SMOX: variants seen among roughly 807,000 people sequenced by gnomAD.
SMOX encodes the protein flavin containing amine oxidase.
Under a neutral mutation model 51.0 loss-of-function variants are expected in SMOX, and 22 were observed. That is an observed-to-expected ratio of 0.43 (90% CI 0.31 to 0.62). The LOEUF (loss-of-function observed/expected upper bound fraction) is 0.62. Ranked by LOEUF, SMOX falls within the 20% of genes least tolerant of loss-of-function variation. The probability of loss-of-function intolerance (pLI) is 0.10; values close to 1 mark genes in which losing one functional copy is unlikely to be tolerated. For synonymous variants in SMOX, 282 were observed against 307.8 expected, an observed-to-expected ratio of 0.92 and a Z score of 0.88; for missense variants, 566 against 777.7, an observed-to-expected ratio of 0.73 and a Z score of 3.24.
In SMOX at chr20:4,181,872, G is replaced by C. The variant is rs753221843; in HGVS notation, c.505G>C (p.Gly169Arg). The C allele has an allele frequency of 4.3e-6, 7 of 1,614,146 alleles. No homozygotes were observed. Among genetic ancestry groups the C allele is most frequent in the Non-Finnish European group, 5.9e-6 (7 of 1,180,028 alleles). Residue 169 changes from glycine to arginine, a missense_variant, in exon 4 of 7, where the codon GGG (glycine) becomes CGG (arginine). Coordinates refer to ENST00000305958, the MANE Select transcript of SMOX (RefSeq NM_175839.3). The surrounding 1 kb of genome is among the most constrained non-coding windows in gnomAD (Gnocchi z 5.6). ...PVNAESQNSV[G>R]VFTREEVRNR... Reference sequence around the variant, plus strand: ...CAATGCTGAAAGTCAAAATAGCGTGGGGGTGTTCACCCGAGAGGAGGTGCG... The same window carrying C: ...CAATGCTGAAAGTCAAAATAGCGTGCGGGTGTTCACCCGAGAGGAGGTGCG...
rs1340768134 is a variant in SMOX, at chr20:4,166,108, C to G, written c.-26-8922C>G. Among the ~76,000 whole-genome samples the G allele has an allele frequency of 7.0e-6, 1 of 142,644 alleles. No individual in the cohort carries two copies. The highest frequency in any genetic ancestry group is 2.6e-5 in the African/African-American group (1 of 38,534). 93.6% of individuals were successfully genotyped at this position (142,644 alleles called of 152,430 possible). A position where few individuals can be genotyped will look rare whatever the true frequency, so the allele number is the denominator to read the frequency against. ...AGAGCAATTGTGCCTAGCGCCTGATCTAATCTGTTGTCAGAGTGTGATCTA... is the reference window on the plus strand; with the variant it reads ...AGAGCAATTGTGCCTAGCGCCTGATGTAATCTGTTGTCAGAGTGTGATCTA... On this transcript the variant is annotated intron_variant, in intron 1 of 6. Transcript: ENST00000305958. The surrounding 1 kb of genome is among the most constrained non-coding windows in gnomAD (Gnocchi z 4.2).
intron 1 of SMOX, among the ~76,000 whole-genome samples, chr20:4,150,821 T>C (rs1448948887): frequency 7.6e-6 from 1 of 131,610 alleles, no homozygotes; most frequent in Non-Finnish European, 1.6e-5. Flanking sequence ...CATCATCTAC[T>C]CACTTTTTTT....
intron 2 of SMOX, among the ~76,000 whole-genome samples, chr20:4,176,784 TA>T (rs1385684870): frequency 6.6e-6 from 1 of 152,176 alleles, no homozygotes; most frequent in African/African-American, 2.4e-5. Flanking sequence ...GGGTTTTTTG[TA>T]CTGTGTCAAA....
At chr20:4,158,122 G>C (rs369842049) in intron 1 of SMOX, among the ~76,000 whole-genome samples, 102 of 150,646 alleles carry the variant, frequency 6.8e-4, no homozygotes, top group East Asian at 5.2e-3. Context: ...GGATGGTCTC[G>C]ATCTCCTGAC....
At chr20:4,162,565 T>C (rs1986386664) in intron 1 of SMOX, among the ~76,000 whole-genome samples, 1 of 152,236 alleles carries the variant, frequency 6.6e-6, no homozygotes, top group Non-Finnish European at 1.5e-5. Context: ...TCTGTACCTT[T>C]GAGTTCACTG....
chr20:4,157,253 C>G (rs961943191), intron 1 of SMOX, among the ~76,000 whole-genome samples: 1 of 152,138 alleles, frequency 6.6e-6, no homozygotes, highest in African/African-American at 2.4e-5. Context: ...TTGTGACACT[C>G]TAATACCGGT....
Position 4,177,517 on chromosome 20 carries a change from C to T in SMOX, c.375C>T (p.Thr125=), listed in dbSNP as rs11552911. ...YSKNGVACYL[T]NHGRRIPKDV... is the part of the protein sequence containing the mutation. ...AGAATGGCGTGGCCTGCTACCTTAC[C>T]AACCACGGCCGCAGGATCCCCAAGG... The change falls in exon 3 of 7, where the codon ACC becomes ACT. Residue 125 remains threonine (T), a synonymous_variant. Coordinates refer to ENST00000305958, the MANE Select transcript of SMOX (RefSeq NM_175839.3). The surrounding 1 kb of genome is among the most constrained non-coding windows in gnomAD (Gnocchi z 4.3). 3 of 1,594,612 alleles carry T rather than the reference C, an allele frequency of 1.9e-6. No individual in the cohort carries two copies. The highest frequency in any genetic ancestry group is 2.7e-5 in the African/African-American group (2 of 74,766).
intron 1 of SMOX, among the ~76,000 whole-genome samples, chr20:4,164,462 C>T (rs534898671): frequency 1.3e-5 from 2 of 152,374 alleles, no homozygotes; most frequent in South Asian, 2.1e-4. Flanking sequence ...GATCACTCAT[C>T]TAATAAGTGG....
intron 3 of SMOX, among the ~76,000 whole-genome samples, chr20:4,180,865 C>A (rs930534736): frequency 1.4e-4 from 22 of 152,292 alleles, no homozygotes; most frequent in Non-Finnish European, 1.6e-4. Flanking sequence ...GCAGCCCAAT[C>A]GTGGACTGTC....
Position 4,182,938 on chromosome 20 carries a change from C to A in SMOX, c.1369+90C>A. ...TGGACCCATGGCAGCTCTCTCCTCC[C>A]CAGACCGTGAAGCTCGGATGCTGTG... On this transcript the variant is annotated intron_variant, in intron 5 of 6. Coordinates refer to ENST00000305958, the MANE Select transcript of SMOX (RefSeq NM_175839.3). This position sits in a 1 kb window ranked among gnomAD's most constrained non-coding sequence, Gnocchi z 8.4. 6.8e-7 allele frequency: 1 copy of A among 1,475,924 alleles called. No homozygotes were observed. Among genetic ancestry groups the A allele is most frequent in the Non-Finnish European group, 9.0e-7 (1 of 1,112,766 alleles). 91.4% of individuals were successfully genotyped at this position (1,475,924 alleles called of 1,614,324 possible).
intron 1 of SMOX, among the ~76,000 whole-genome samples, chr20:4,152,352 GTCTC>G (rs762255931): frequency 6.6e-6 from 1 of 152,068 alleles, no homozygotes; most frequent in African/African-American, 2.4e-5. Flanking sequence ...CCCTGGGGTG[GTCTC>G]TCTCTATCTC....
At position 4,187,131 on chromosome 20, in the gene SMOX, T is replaced by C; in HGVS notation, c.1531-139T>C. The C allele has an allele frequency of 8.8e-7, 1 of 1,130,678 alleles. No individual in the cohort carries two copies. Among genetic ancestry groups the C allele is most frequent in the Non-Finnish European group, 1.2e-6 (1 of 816,020 alleles). The allele number at this position is 1,130,678 out of a possible 1,614,324, so 70.0% of individuals were successfully genotyped here. ...AGATAGGATGGGCAGCTCTTCATCC[T>C]GTGGAAGCAGCAGCACCTGCGTCTC... On this transcript the variant is annotated intron_variant, in intron 6 of 6. Coordinates refer to ENST00000305958, the MANE Select transcript of SMOX (RefSeq NM_175839.3). This position sits in a 1 kb window ranked among gnomAD's most constrained non-coding sequence, Gnocchi z 4.8.
intron 2 of SMOX, among the ~76,000 whole-genome samples, chr20:4,176,425 C>G (rs6084653): frequency 0.26 from 39,957 of 152,098 alleles, 6,928 homozygotes; most frequent in Non-Finnish European, 0.38. Context: ...GGCAAAGTCA[C>G]GTTGCAAAGG....
chr20:4,183,457 A>G lies in SMOX; in HGVS notation c.1370-37A>G. The G allele has an allele frequency of 1.2e-6, 2 of 1,613,920 alleles. No homozygotes were observed. The highest frequency in any genetic ancestry group is 1.7e-5 in the Admixed American group (1 of 60,010). On this transcript the variant is annotated intron_variant, in intron 5 of 6. Transcript: ENST00000305958. The surrounding 1 kb of genome is among the most constrained non-coding windows in gnomAD (Gnocchi z 4.3). The stretch of plus-strand genomic sequence containing the variant: ...CATCTTCCATATGCAGCCATTTCTT[A>G]TCCTCCCTCCTCTTGGCTTTTCTGA...
chr20:4,174,407 C>T (rs915383727), intron 1 of SMOX, among the ~76,000 whole-genome samples: 1 of 151,368 alleles, frequency 6.6e-6, no homozygotes, highest in African/African-American at 2.4e-5. Flanking sequence ...GGGGTCCATG[C>T]AAGTATCTTG....
At chr20:4,171,446 C>T (rs904697648) in intron 1 of SMOX, among the ~76,000 whole-genome samples, 5 of 152,162 alleles carry the variant, frequency 3.3e-5, no homozygotes, top group Non-Finnish European at 7.3e-5. Flanking sequence ...GTGCTGGCTC[C>T]ATGGGATGAT....
rs199643485 is a variant in SMOX at position 4,182,544 on chromosome 20, T to G, written c.1065T>G (p.Ala355=). 6.2e-7 allele frequency: 1 copy of G among 1,613,628 alleles called. No individual in the cohort carries two copies. Among genetic ancestry groups the G allele is most frequent in the East Asian group, 2.2e-5 (1 of 44,866 alleles). Residue 355 remains alanine, a synonymous_variant, in exon 5 of 7, where the codon GCT becomes GCG. Coordinates refer to ENST00000305958, the MANE Select transcript of SMOX (RefSeq NM_175839.3). This position sits in a 1 kb window ranked among gnomAD's most constrained non-coding sequence, Gnocchi z 8.4. The part of the protein sequence containing the change: ...FRPGLPTEKV[A]AIHRLGIGTT... ...CAGGCCTGCCCACAGAGAAGGTGGC[T>G]GCCATCCACCGCCTGGGCATTGGCA...
At position 4,177,080 on chromosome 20, in the gene SMOX, G is replaced by A. The variant is rs1030947372; in HGVS notation, c.209-271G>A. Among the ~76,000 whole-genome samples, 4 of 152,116 alleles carry A rather than the reference G, an allele frequency of 2.6e-5. No homozygotes were observed. Among genetic ancestry groups the A allele is most frequent in the Non-Finnish European group, 2.9e-5 (2 of 68,014 alleles). ...GTGTTACCTGAGAAAAAGGTGGGAC[G>A]GAAAAAGAAGAGCCTTCTAACTGGT... On this transcript the variant is annotated intron_variant, in intron 2 of 6. Coordinates refer to ENST00000305958, the MANE Select transcript of SMOX (RefSeq NM_175839.3). This position sits in a 1 kb window ranked among gnomAD's most constrained non-coding sequence, Gnocchi z 4.3.
Position 4,183,290 on chromosome 20 carries a change from C to A in SMOX, c.1370-204C>A. 1 of 655,034 alleles carries A rather than the reference C, an allele frequency of 1.5e-6. No individual in the cohort carries two copies. Among genetic ancestry groups the A allele is most frequent in the Non-Finnish European group, 2.6e-6 (1 of 384,312 alleles). The allele number at this position is 655,034 out of a possible 1,614,324, so 40.6% of individuals were successfully genotyped here. A position where few individuals can be genotyped will look rare whatever the true frequency, so the allele number is the denominator to read the frequency against. ...AGGAAAAGTAAGGTGGAGCGTTTTGCCGGGGGTCACAGGAGGCGCTGAGTG... is the reference window on the plus strand; with the variant it reads ...AGGAAAAGTAAGGTGGAGCGTTTTGACGGGGGTCACAGGAGGCGCTGAGTG... On this transcript the variant is annotated intron_variant, in intron 5 of 6. Transcript: ENST00000305958. This position sits in a 1 kb window ranked among gnomAD's most constrained non-coding sequence, Gnocchi z 4.3.
Sources: gnomAD v4.1 joint callset for allele counts (sites outside exome capture counted in the v4.1 genomes callset) on GRCh38, gnomAD v4.1.1 for gene constraint, Gnocchi (gnomAD v3.1) non-coding constraint, MANE v1.5 for transcripts, NCBI Gene and HGNC (gene_info 2026-07-23, HGNC 2026-07-21) for gene names.